The following NRG3 variants were observed in gnomAD, a reference collection of about 807,000 sequenced individuals.
The protein encoded by NRG3 is neuregulin 3, also known as pro-neuregulin-3, membrane-bound isoform.
Under a neutral mutation model 66.9 loss-of-function variants are expected in NRG3, and 31 were observed. The observed-to-expected ratio is 0.46, with a 90% CI of 0.35 to 0.63. NRG3 has a LOEUF of 0.63. NRG3 is among the 20% of genes least tolerant of loss of function. NRG3 has a pLI of 0.00. For synonymous variants in NRG3, 393 were observed against 359.4 expected (o/e 1.09, Z -1.06); for missense variants, 910 against 878.9 (o/e 1.04, Z -0.45).
intron 2 of NRG3, among the ~76,000 whole-genome samples, chr10:82,720,959 A>G (rs921423802): frequency 6.7e-6 from 1 of 149,216 alleles, no homozygotes; most frequent in East Asian, 2.0e-4. Context: ...CTTGTCAAAC[A>G]CTCCAGTTAA....
chr10:82,062,261 C>T (rs969145038), intron 1 of NRG3, among the ~76,000 whole-genome samples: 1 of 152,056 alleles, frequency 6.6e-6, no homozygotes, highest in Non-Finnish European at 1.5e-5. Context: ...CCTCTGGATG[C>T]CAGAGGGGAG....
chr10:81,897,626 A>G (rs980583969), intron 1 of NRG3, among the ~76,000 whole-genome samples: 1 of 152,124 alleles, frequency 6.6e-6, no homozygotes, highest in South Asian at 2.1e-4. Context: ...GGCGAGGGAT[A>G]AAAGAGTGGT....
At chr10:82,445,134 T>G (rs77273312) in intron 2 of NRG3, among the ~76,000 whole-genome samples, 1 of 131,534 alleles carries the variant, frequency 7.6e-6, no homozygotes, top group Admixed American at 7.3e-5. Flanking sequence ...GCTGTCCCCA[T>G]GCCAGTTTTT....
At chr10:82,403,282 A>G (rs1396743428) in intron 2 of NRG3, among the ~76,000 whole-genome samples, 1 of 152,126 alleles carries the variant, frequency 6.6e-6, no homozygotes, top group Non-Finnish European at 1.5e-5. Context: ...AGTCTTCGGG[A>G]ATAGGGTCCA....
chr10:82,323,391 A>C (rs535135640), intron 1 of NRG3, among the ~76,000 whole-genome samples: 1 of 152,342 alleles, frequency 6.6e-6, no homozygotes, highest in Non-Finnish European at 1.5e-5. Context: ...AAGAAAAATA[A>C]ATTGAAATAA....
chr10:82,243,723 A>G (rs1469216928), intron 1 of NRG3, among the ~76,000 whole-genome samples: 1 of 152,216 alleles, frequency 6.6e-6, no homozygotes, highest in Non-Finnish European at 1.5e-5. Flanking sequence ...TTTTTTAAAG[A>G]AACATAGATC....
rs79832988 is a variant in NRG3, at chr10:82,400,107, A to G, written c.953+41239A>G. On this transcript the variant is annotated intron_variant, in intron 2 of 8. Transcript: ENST00000372141. The stretch of plus-strand genomic sequence containing the variant: ...AATTTAATCGCTAGAAAAAGAAAGC[A>G]AAGCATAGATAACATATATAATTAT... 1.1e-4 allele frequency among the ~76,000 whole-genome samples: 16 copies of G among 152,294 alleles called. No individual in the cohort carries two copies. In the East Asian group the frequency reaches 2.5e-3, roughly 24 times the overall value.
intron 3 of NRG3, among the ~76,000 whole-genome samples, chr10:82,811,787 T>G (rs1372919750): frequency 6.6e-6 from 1 of 152,240 alleles, no homozygotes; most frequent in African/African-American, 2.4e-5. Flanking sequence ...TTCCCTGCCA[T>G]GGAGCTGCAT....
At chr10:82,364,169 T>G (rs1937957) in intron 2 of NRG3, among the ~76,000 whole-genome samples, 59,935 of 152,014 alleles carry the variant, frequency 0.39, 16,213 homozygotes, top group African/African-American at 0.76. Context: ...CCTTGTCTCT[T>G]TAAAATCAAG....
rs529701467 is a variant in NRG3 at position 82,053,900 on chromosome 10, C to T, written c.823+177737C>T. Among the ~76,000 whole-genome samples the T allele has an allele frequency of 1.6e-4, 24 of 152,174 alleles. No individual in the cohort carries two copies. In the South Asian group the frequency reaches 1.7e-3, roughly 11 times the overall value. The stretch of plus-strand genomic sequence containing the variant: ...AGAATGTAAATCATGTGGAATGTAA[C>T]GGGAAATTATTTAAAGCTGCAGCGC... On this transcript the variant is annotated intron_variant, in intron 1 of 8. Transcript: ENST00000372141.
chr10:82,144,043 A>AG (rs1313044077), intron 1 of NRG3, among the ~76,000 whole-genome samples: 4 of 150,726 alleles, frequency 2.7e-5, no homozygotes, highest in African/African-American at 9.8e-5. Context: ...AAAAAAAAAA[A>AG]GAAAAGAAAA....
intron 1 of NRG3, among the ~76,000 whole-genome samples, chr10:82,304,198 T>TA (rs1160885522): frequency 1.3e-5 from 2 of 152,198 alleles, no homozygotes; most frequent in Non-Finnish European, 2.9e-5. Flanking sequence ...ATCTGATAGG[T>TA]AAAAAATTGT....
At chr10:82,839,757 G>A (rs2062962302) in intron 3 of NRG3, among the ~76,000 whole-genome samples, 1 of 151,660 alleles carries the variant, frequency 6.6e-6, no homozygotes, top group African/African-American at 2.4e-5. Flanking sequence ...ATATTTATAT[G>A]GAAACGTATA....
chr10:82,951,353 C>G, intron 4 of NRG3, 116 bp from the exon 5 acceptor site: 1 of 711,494 alleles, frequency 1.4e-6, no homozygotes. Flanking sequence ...CTATTTATGA[C>G]AGAAACCAAA....
At chr10:82,746,610 G>A (rs1438742068) in intron 3 of NRG3, among the ~76,000 whole-genome samples, 3 of 152,108 alleles carry the variant, frequency 2.0e-5, no homozygotes, top group Non-Finnish European at 2.9e-5. Context: ...AGTCAGAGAG[G>A]GAGATCAAGT....
At chr10:82,379,778 T>G (rs183690632) in intron 2 of NRG3, among the ~76,000 whole-genome samples, 1 of 152,056 alleles carries the variant, frequency 6.6e-6, no homozygotes, top group East Asian at 1.9e-4. Context: ...AACCAGTGGT[T>G]TGGCATAAAC....
intron 1 of NRG3, among the ~76,000 whole-genome samples, chr10:82,127,644 C>T (rs958042508): frequency 1.3e-5 from 2 of 152,056 alleles, no homozygotes; most frequent in African/African-American, 4.8e-5. Flanking sequence ...TGGAAGTGTG[C>T]CACCCTTTCC....
At chr10:82,180,610 A>T (rs2073349998) in intron 1 of NRG3, among the ~76,000 whole-genome samples, 3 of 151,900 alleles carry the variant, frequency 2.0e-5, no homozygotes, top group Admixed American at 6.6e-5. Flanking sequence ...AAAAAAGTAT[A>T]TAATCCTCTT....
chr10:81,911,583 T>C (rs1845152825), intron 1 of NRG3, among the ~76,000 whole-genome samples: 1 of 149,018 alleles, frequency 6.7e-6, no homozygotes, highest in African/African-American at 2.5e-5. Context: ...GTGTGTGTCT[T>C]CACCCTCTAG....
Sources: gnomAD v4.1 joint callset for allele counts (sites outside exome capture counted in the v4.1 genomes callset) on GRCh38, gnomAD v4.1.1 for gene constraint, MANE v1.5 for transcripts, NCBI Gene and HGNC (gene_info 2026-07-23, HGNC 2026-07-21) for gene names.